Variants in MAP2K5 observed in about 807,000 individuals in gnomAD.
The protein encoded by MAP2K5 is mitogen-activated protein kinase kinase 5.
MAP2K5 carries 49 observed loss-of-function variants against 83.1 expected under a neutral mutation model. The ratio of observed to expected loss-of-function variants is 0.59; its 90% CI spans 0.47 to 0.75. MAP2K5 has a LOEUF of 0.75. MAP2K5 is among the 30% of genes least tolerant of loss of function. The pLI, the probability that MAP2K5 is intolerant of heterozygous loss-of-function variation, is 0.00. For synonymous variants in MAP2K5, 202 were observed against 191.8 expected, an observed-to-expected ratio of 1.05 and a Z score of -0.44; for missense variants, 457 against 557.5, an observed-to-expected ratio of 0.82 and a Z score of 1.82.
Position 67,764,836 on chromosome 15 carries a change from C to A in MAP2K5, c.1135-4766C>A, listed in dbSNP as rs2090013056. Among the ~76,000 whole-genome samples the A allele has an allele frequency of 1.3e-5, 2 of 152,140 alleles. No individual in the cohort carries two copies. Among genetic ancestry groups the A allele is most frequent in the African/African-American group, 4.8e-5 (2 of 41,434 alleles). ...ATTTTTTTAAGCAAAAGGCCCTTAA[C>A]TTTTTTCCAGTTGAGTATTTATGCC... On this transcript the variant is annotated intron_variant, in intron 19 of 21. Coordinates refer to ENST00000178640, the MANE Select transcript of MAP2K5 (RefSeq NM_145160.3). This position sits in a 1 kb window ranked among gnomAD's most constrained non-coding sequence, Gnocchi z 4.9.
intron 4 of MAP2K5, among the ~76,000 whole-genome samples, chr15:67,582,890 A>G (rs1314082368): frequency 6.6e-6 from 1 of 151,872 alleles, no homozygotes; most frequent in African/African-American, 2.4e-5. Flanking sequence ...GTCTCTAAAA[A>G]ATTTTTTTTA....
Position 67,618,887 on chromosome 15 carries a change from A to G in MAP2K5, c.546-12001A>G, listed in dbSNP as rs146221055. ...CCAGTTTCTATCCTTGCTTTCCTGT[A>G]ATGTGTTCTCTTCACTCAGCAGCCA... On this transcript the variant is annotated intron_variant, in intron 8 of 21. Transcript: ENST00000178640. 1.4e-4 allele frequency among the ~76,000 whole-genome samples: 22 copies of G among 152,278 alleles called. No homozygotes were observed. In the East Asian group the frequency reaches 2.1e-3, roughly 15 times the overall value.
chr15:67,745,571 A>C (rs979758106), intron 17 of MAP2K5, among the ~76,000 whole-genome samples: 1 of 152,232 alleles, frequency 6.6e-6, no homozygotes, highest in Non-Finnish European at 1.5e-5. Flanking sequence ...GCCTAATATA[A>C]ATACAGCCGA....
At position 67,801,779 on chromosome 15, in the gene MAP2K5, C is replaced by T. The variant is rs1377454554; in HGVS notation, c.1243-4867C>T. On this transcript the variant is annotated intron_variant, in intron 21 of 21. Transcript: ENST00000178640. The surrounding 1 kb of genome is among the most constrained non-coding windows in gnomAD (Gnocchi z 4.8). ...GTATACATACAGAATATAGAAGTCACCTTTTCATGAGGGCCTACCACATGC... is the reference window on the plus strand; with the variant it reads ...GTATACATACAGAATATAGAAGTCATCTTTTCATGAGGGCCTACCACATGC... Among the ~76,000 whole-genome samples, 1 of 152,152 alleles carries T rather than the reference C, an allele frequency of 6.6e-6. No homozygotes were observed. Among genetic ancestry groups the T allele is most frequent in the East Asian group, 1.9e-4 (1 of 5,204 alleles).
Position 67,698,709 on chromosome 15 carries a change from AT to A in MAP2K5, c.973-4621del, listed in dbSNP as rs1185487190. Among the ~76,000 whole-genome samples the A allele has an allele frequency of 1.3e-5, 2 of 152,214 alleles. No homozygotes were observed. Among genetic ancestry groups the A allele is most frequent in the Non-Finnish European group, 2.9e-5 (2 of 68,000 alleles). On this transcript the variant is annotated intron_variant, in intron 15 of 21. Coordinates refer to ENST00000178640, the MANE Select transcript of MAP2K5 (RefSeq NM_145160.3). This position sits in a 1 kb window ranked among gnomAD's most constrained non-coding sequence, Gnocchi z 4.5. ...AAATAACCATTCTTATCTCTAGAAC[AT>A]TTTTTTCTGCCCAAGCTATTCCAGT...
intron 7 of MAP2K5, among the ~76,000 whole-genome samples, chr15:67,597,165 C>T (rs1390308860): frequency 7.2e-6 from 1 of 139,262 alleles, no homozygotes; most frequent in African/African-American, 2.7e-5. Context: ...TGAGATCTGT[C>T]TCAAAAAAAG....
intron 8 of MAP2K5, among the ~76,000 whole-genome samples, chr15:67,618,604 G>A (rs2086108466): frequency 6.6e-6 from 1 of 152,122 alleles, no homozygotes. Flanking sequence ...TTGGAAACCT[G>A]CTTCATTTAC....
intron 13 of MAP2K5, among the ~76,000 whole-genome samples, chr15:67,681,823 T>C (rs2087825576): frequency 6.6e-6 from 1 of 152,226 alleles, no homozygotes; most frequent in South Asian, 2.1e-4. Flanking sequence ...AGAAAATGTC[T>C]CAGTTAAAAT....
chr15:67,569,004 TCAAAAAAAAAAAAAA>T (rs1403106400), intron 3 of MAP2K5, among the ~76,000 whole-genome samples: 1 of 17,282 alleles, frequency 5.8e-5, no homozygotes, highest in Non-Finnish European at 1.2e-4. Flanking sequence ...AGACTCCATC[TCAAAAAAAAAAAAAA>T]CAAAAAAAAA....
chr15:67,723,292 A>C (rs1211679090), intron 16 of MAP2K5, among the ~76,000 whole-genome samples: 2 of 152,214 alleles, frequency 1.3e-5, no homozygotes, highest in Non-Finnish European at 2.9e-5. Flanking sequence ...GCACACATAC[A>C]AATATATTTG....
chr15:67,682,113 C>A (rs1189962914), intron 13 of MAP2K5, among the ~76,000 whole-genome samples: 1 of 152,132 alleles, frequency 6.6e-6, no homozygotes, highest in African/African-American at 2.4e-5. Context: ...TAACTACCTC[C>A]TTAAAAGTAA....
chr15:67,778,419 TTGTTAGACCCAAATCTTC>T lies in MAP2K5; in HGVS notation c.1242+5670_1242+5687del, dbSNP rs2090274362. 6.6e-6 allele frequency among the ~76,000 whole-genome samples: 1 copy of T among 152,226 alleles called. No homozygotes were observed. Among genetic ancestry groups the T allele is most frequent in the South Asian group, 2.1e-4 (1 of 4,828 alleles). ...CTTCACACCAAATGGCTTTGTTTCA[TTGTTAGACCCAAATCTTC>T]TGATCACTGTGAAAGACAAAATGCA... On this transcript the variant is annotated intron_variant, in intron 21 of 21. Coordinates refer to ENST00000178640, the MANE Select transcript of MAP2K5 (RefSeq NM_145160.3). The surrounding 1 kb of genome is among the most constrained non-coding windows in gnomAD (Gnocchi z 5.0).
At chr15:67,604,349 G>A (rs1356409661) in intron 8 of MAP2K5, among the ~76,000 whole-genome samples, 1 of 152,220 alleles carries the variant, frequency 6.6e-6, no homozygotes, top group East Asian at 1.9e-4. Context: ...TTTCCTTGTT[G>A]CCTCATTTCC....
chr15:67,645,680 A>G lies in MAP2K5; in HGVS notation c.586-551A>G, dbSNP rs1048124448. 1.8e-4 allele frequency among the ~76,000 whole-genome samples: 28 copies of G among 151,562 alleles called. 1 individual carries two copies. Among genetic ancestry groups the G allele is most frequent in the African/African-American group, 6.3e-4 (26 of 41,238 alleles). Reference sequence around the variant, plus strand: ...GTGATCCTCCCACCTCAGCCTCCCAAGTAGATTGGGACCACCCGATCATAC... The same window carrying G: ...GTGATCCTCCCACCTCAGCCTCCCAGGTAGATTGGGACCACCCGATCATAC... On this transcript the variant is annotated intron_variant, in intron 9 of 21. Coordinates refer to ENST00000178640, the MANE Select transcript of MAP2K5 (RefSeq NM_145160.3).
At chr15:67,692,208 G>A (rs1309053069) in intron 13 of MAP2K5, among the ~76,000 whole-genome samples, 2 of 152,136 alleles carry the variant, frequency 1.3e-5, no homozygotes, top group Non-Finnish European at 2.9e-5. Context: ...TGTATTTACT[G>A]TTGTTGTAAG....
In MAP2K5 at chr15:67,636,127, A is replaced by C. The variant is rs2086597207; in HGVS notation, c.585+5200A>C. ...CCTCCTCTGCTTTCTTGAAAGTATG[A>C]AATGACCGGGCGCCGTGGCTCATGC... On this transcript the variant is annotated intron_variant, in intron 9 of 21. Coordinates refer to ENST00000178640, the MANE Select transcript of MAP2K5 (RefSeq NM_145160.3). The surrounding 1 kb of genome is among the most constrained non-coding windows in gnomAD (Gnocchi z 4.7). Among the ~76,000 whole-genome samples the C allele has an allele frequency of 6.6e-6, 1 of 152,144 alleles. No homozygotes were observed. Among genetic ancestry groups the C allele is most frequent in the African/African-American group, 2.4e-5 (1 of 41,452 alleles).
chr15:67,651,052 T>C (rs1035793010), intron 11 of MAP2K5, among the ~76,000 whole-genome samples: 1 of 152,136 alleles, frequency 6.6e-6, no homozygotes, highest in Non-Finnish European at 1.5e-5. Context: ...CCATCTCTAC[T>C]AAAAGTACCA....
intron 19 of MAP2K5, among the ~76,000 whole-genome samples, chr15:67,759,063 C>T (rs930285110): frequency 2.6e-5 from 4 of 152,032 alleles, no homozygotes; most frequent in Admixed American, 6.6e-5. Flanking sequence ...TGGAGGAGCG[C>T]GAATCCTTTT....
chr15:67,664,543 TC>T (rs2087324142), intron 12 of MAP2K5, 53 bp from the exon 13 acceptor site: 1 of 1,170,046 alleles, frequency 8.5e-7, no homozygotes, highest in African/African-American at 1.6e-5. Context: ...TATGGAAAGT[TC>T]CTTTTAAAAA....
Sources: gnomAD v4.1 joint callset for allele counts (sites outside exome capture counted in the v4.1 genomes callset) on GRCh38, gnomAD v4.1.1 for gene constraint, Gnocchi (gnomAD v3.1) non-coding constraint, MANE v1.5 for transcripts, NCBI Gene and HGNC (gene_info 2026-07-23, HGNC 2026-07-21) for gene names.